SYN3: variants seen among roughly 807,000 people sequenced by gnomAD.
SYN3 encodes the protein synapsin-3.
Under a neutral mutation model 65.8 loss-of-function variants are expected in SYN3, and 35 were observed. The observed-to-expected ratio is 0.53, with a 90% confidence interval of 0.41 to 0.70. The LOEUF is 0.70. Among genes scored for constraint, SYN3 ranks in the 30% least tolerant of loss-of-function variants. SYN3 has a pLI of 0.00. For synonymous variants in SYN3, 270 were observed against 292.9 expected, an observed-to-expected ratio of 0.92 and a Z score of 0.80; for missense variants, 680 against 749.0, an observed-to-expected ratio of 0.91 and a Z score of 1.08.
intron 6 of SYN3, among the ~76,000 whole-genome samples, chr22:32,670,130 C>T (rs764084605): frequency 4.0e-4 from 61 of 152,310 alleles, no homozygotes; most frequent in Non-Finnish European, 3.5e-4. Context: ...ATTTAATATA[C>T]ATCATCACGG....
chr22:32,942,641 C>G (rs2050976026), intron 3 of SYN3, among the ~76,000 whole-genome samples: 2 of 152,168 alleles, frequency 1.3e-5, no homozygotes, highest in South Asian at 2.1e-4. Flanking sequence ...GACGATCAAA[C>G]TTCTCTGAGC....
At chr22:32,762,302 C>T (rs1445979229) in intron 6 of SYN3, among the ~76,000 whole-genome samples, 7 of 151,190 alleles carry the variant, frequency 4.6e-5, no homozygotes, top group East Asian at 1.9e-4. Context: ...CTCTTCTCCC[C>T]GTCCATACAT....
At chr22:32,912,786 C>T (rs2050085990) in intron 4 of SYN3, among the ~76,000 whole-genome samples, 1 of 151,936 alleles carries the variant, frequency 6.6e-6, no homozygotes, top group South Asian at 2.1e-4. Flanking sequence ...TGACATCTAG[C>T]AAAGGCAAAA....
At chr22:32,976,396 G>T (rs992119105) in intron 3 of SYN3, among the ~76,000 whole-genome samples, 1 of 152,174 alleles carries the variant, frequency 6.6e-6, no homozygotes, top group Non-Finnish European at 1.5e-5. Flanking sequence ...AAGACTGGCC[G>T]TGGTGATTTC....
At chr22:32,604,125 C>T (rs2059328612) in intron 6 of SYN3, among the ~76,000 whole-genome samples, 1 of 152,212 alleles carries the variant, frequency 6.6e-6, no homozygotes, top group Non-Finnish European at 1.5e-5. Flanking sequence ...GGACAGCCTC[C>T]CACCAAAGGA....
chr22:32,533,883 C>T lies in SYN3; in HGVS notation c.1005G>A (p.Trp335Ter). ...CAAACATTTCCGAGCAGCTGTCCAC[C>T]CACAGCCTGTACCTGCAGGGACAGA... ...QVAMTERYRL[W>*]VDSCSEMFGG... is the part of the protein sequence containing the mutation. The change falls in exon 10 of 14, where the codon TGG becomes TGA. Residue 335 changes from tryptophan to a stop codon, truncating the protein, a stop_gained. Transcript: ENST00000358763. LOFTEE classifies it high-confidence loss of function. 1.9e-6 allele frequency: 3 copies of T among 1,613,462 alleles called. No individual in the cohort carries two copies. The highest frequency in any genetic ancestry group is 2.5e-6 in the Non-Finnish European group (3 of 1,179,602).
intron 6 of SYN3, among the ~76,000 whole-genome samples, chr22:32,810,880 C>T (rs977057569): frequency 2.0e-5 from 3 of 152,144 alleles, no homozygotes; most frequent in African/African-American, 7.2e-5. Flanking sequence ...TGAATAAGCT[C>T]CCTGCCTTTT....
chr22:32,511,001 GTGTGTGTGTGTGTGT>G lies in SYN3; in HGVS notation c.*2676_*2690del, dbSNP rs1002568900. Among the ~76,000 whole-genome samples the G allele has an allele frequency of 6.4e-5, 7 of 109,110 alleles. No individual in the cohort carries two copies. The highest frequency in any genetic ancestry group is 1.5e-4 in the African/African-American group (5 of 33,746). 71.6% of individuals were successfully genotyped at this position (109,110 alleles called of 152,430 possible). A position where few individuals can be genotyped will look rare whatever the true frequency, so the allele number is the denominator to read the frequency against. On this transcript the variant is annotated 3_prime_UTR_variant, in exon 14 of 14. Coordinates refer to ENST00000358763, the MANE Select transcript of SYN3 (RefSeq NM_003490.4). The stretch of plus-strand genomic sequence containing the variant: ...TGTCCAGGCGTGTGTGTGTGTGTGT[GTGTGTGTGTGTGTGT>G]AAGGGGACTCCTAGAATCACTGGCT...
chr22:33,013,133 G>T (rs2053390191), intron 1 of SYN3, among the ~76,000 whole-genome samples: 1 of 152,076 alleles, frequency 6.6e-6, no homozygotes, highest in South Asian at 2.1e-4. Flanking sequence ...AGGAACTCTG[G>T]TCAACCTTCC....
At chr22:32,845,332 G>A (rs2048029878) in intron 6 of SYN3, among the ~76,000 whole-genome samples, 1 of 152,082 alleles carries the variant, frequency 6.6e-6, no homozygotes, top group Non-Finnish European at 1.5e-5. Context: ...AAGTAGCTGG[G>A]ACTACAGGCG....
intron 6 of SYN3, among the ~76,000 whole-genome samples, chr22:32,670,471 G>GTA (rs2060345312): frequency 6.6e-6 from 1 of 152,194 alleles, no homozygotes; most frequent in South Asian, 2.1e-4. Flanking sequence ...AGCAAGACCA[G>GTA]AGATGACGCT....
chr22:32,931,146 A>G (rs557412569), intron 4 of SYN3: 2 of 411,804 alleles, frequency 4.9e-6, no homozygotes, highest in East Asian at 4.2e-5. Context: ...CCTCAAAGCC[A>G]GAAATGGAAC....
intron 6 of SYN3, among the ~76,000 whole-genome samples, chr22:32,814,379 G>A (rs2047034265): frequency 1.3e-5 from 1 of 75,284 alleles, no homozygotes; most frequent in African/African-American, 4.4e-5. Context: ...GAAAGAGATT[G>A]GTTTGAAACA....
chr22:32,838,899 T>G (rs969812902), intron 6 of SYN3, among the ~76,000 whole-genome samples: 4 of 151,728 alleles, frequency 2.6e-5, no homozygotes, highest in Non-Finnish European at 5.9e-5. Context: ...ATCCGGTAAT[T>G]AGCGATGCTA....
intron 6 of SYN3, among the ~76,000 whole-genome samples, chr22:32,823,864 C>T (rs1203050194): frequency 6.6e-6 from 1 of 152,162 alleles, no homozygotes; most frequent in South Asian, 2.1e-4. Flanking sequence ...TACATCCCCA[C>T]AGTGCCCTGC....
chr22:32,649,818 T>C (rs117481647), intron 6 of SYN3, among the ~76,000 whole-genome samples: 2,603 of 152,240 alleles, frequency 0.017, 29 homozygotes, highest in Non-Finnish European at 0.027. Context: ...GTAACATTAG[T>C]AGACAGGGCT....
At chr22:32,732,147 C>T (rs1250841395) in intron 6 of SYN3, among the ~76,000 whole-genome samples, 1 of 152,126 alleles carries the variant, frequency 6.6e-6, no homozygotes, top group Non-Finnish European at 1.5e-5. Context: ...TAATGGTGAA[C>T]CTCTGTTTGG....
chr22:32,802,206 C>A, intron 6 of SYN3: 1 of 1,508,896 alleles, frequency 6.6e-7, no homozygotes, highest in South Asian at 1.2e-5. Flanking sequence ...GAGCCCCACT[C>A]CTTTCCTCTG....
At chr22:32,625,564 T>A (rs980677471) in intron 6 of SYN3, among the ~76,000 whole-genome samples, 5 of 152,214 alleles carry the variant, frequency 3.3e-5, no homozygotes, top group African/African-American at 7.2e-5. Context: ...TAGACCACTT[T>A]AGCATCCTTC....
Sources: allele counts gnomAD v4.1 joint callset (sites outside exome capture counted in the v4.1 genomes callset), GRCh38; gene constraint gnomAD v4.1.1; transcripts MANE v1.5; gene names NCBI Gene and HGNC (gene_info 2026-07-23, HGNC 2026-07-21).